The following NXPE3 variants were observed in gnomAD, a reference collection of about 807,000 sequenced individuals.
NXPE3 encodes neurexophilin and PC-esterase domain family member 3, also known as NXPE family member 3.
A neutral mutation model predicts 46.1 loss-of-function variants in NXPE3; 26 were observed. That is an observed-to-expected ratio of 0.56 (90% CI 0.41 to 0.78). The LOEUF (loss-of-function observed/expected upper bound fraction) is 0.78, where lower values mean the gene tolerates loss of function less well. NXPE3 is among the 30% of genes least tolerant of loss of function. The pLI, the probability that NXPE3 is intolerant of heterozygous loss-of-function variation, is 0.00. For synonymous variants in NXPE3, 272 were observed against 257.9 expected, an observed-to-expected ratio of 1.05 and a Z score of -0.52; for missense variants, 620 against 686.0, an observed-to-expected ratio of 0.90 and a Z score of 1.07.
chr3:101,803,708 G>A (rs551719414), intron 5 of NXPE3, among the ~76,000 whole-genome samples: 4 of 152,248 alleles, frequency 2.6e-5, no homozygotes, highest in South Asian at 4.1e-4. Context: ...CAGCCTCAAC[G>A]TCCCGGGTTC....
intron 1 of NXPE3, among the ~76,000 whole-genome samples, chr3:101,780,872 G>A (rs1178758230): frequency 6.6e-6 from 1 of 152,200 alleles, no homozygotes; most frequent in African/African-American, 2.4e-5. Flanking sequence ...TGAGGCTGCG[G>A]GACACGAAGG....
At chr3:101,808,854 T>TATACATATATATATATAC (rs770360739) in intron 6 of NXPE3, among the ~76,000 whole-genome samples, 2 of 100,348 alleles carry the variant, frequency 2.0e-5, no homozygotes, top group South Asian at 3.1e-4. Context: ...TATATATATA[T>TATACATATATATATATAC]ATGAGACATT....
At chr3:101,807,258 A>G (rs1423258146) in intron 6 of NXPE3, 132 bp downstream of exon 6, 3 of 639,146 alleles carry the variant, frequency 4.7e-6, no homozygotes, top group Non-Finnish European at 8.3e-6. Context: ...TATTAAAAGT[A>G]CTGTTTGATT....
In NXPE3 at chr3:101,795,159, C is replaced by G. The variant is rs537815849; in HGVS notation, c.94-6076C>G. 4.6e-5 allele frequency among the ~76,000 whole-genome samples: 7 copies of G among 152,354 alleles called. No homozygotes were observed. The South Asian group carries it at 1.4e-3, about 32-fold the overall frequency. On this transcript the variant is annotated intron_variant, in intron 4 of 7. Coordinates refer to ENST00000273347, the MANE Select transcript of NXPE3 (RefSeq NM_145037.4). ...CCCTTTCCATACTATGCTTCTGACACTCACTATACTCTTATGATTGGAGTA... is the reference window on the plus strand; with the variant it reads ...CCCTTTCCATACTATGCTTCTGACAGTCACTATACTCTTATGATTGGAGTA...
chr3:101,793,132 T>C (rs1271702794), intron 4 of NXPE3, among the ~76,000 whole-genome samples: 1 of 152,246 alleles, frequency 6.6e-6, no homozygotes, highest in Non-Finnish European at 1.5e-5. Context: ...GAAACTTTGC[T>C]GAAGTTGTTT....
chr3:101,817,404 T>TC (rs377658838), intron 7 of NXPE3, among the ~76,000 whole-genome samples: 1 of 152,218 alleles, frequency 6.6e-6, no homozygotes, highest in African/African-American at 2.4e-5. Flanking sequence ...CTCATCCAAC[T>TC]CCAAGTTTAT....
chr3:101,799,425 T>C (rs1315036397), intron 4 of NXPE3, among the ~76,000 whole-genome samples: 1 of 152,104 alleles, frequency 6.6e-6, no homozygotes, highest in Non-Finnish European at 1.5e-5. Context: ...TCTTATTTAT[T>C]TATTTGTTAT....
chr3:101,809,224 T>C (rs1460918917), intron 6 of NXPE3, among the ~76,000 whole-genome samples: 1 of 152,108 alleles, frequency 6.6e-6, no homozygotes. Flanking sequence ...AAAGTAACTA[T>C]GAATTAGTAG....
At chr3:101,795,503 GT>G (rs1940774180) in intron 4 of NXPE3, among the ~76,000 whole-genome samples, 1 of 142,802 alleles carries the variant, frequency 7.0e-6, no homozygotes. Flanking sequence ...GGGCAACAAA[GT>G]GAGACTTATC....
chr3:101,808,854 T>TATACATGTATATATAC (rs770360739), intron 6 of NXPE3, among the ~76,000 whole-genome samples: 1 of 100,348 alleles, frequency 1.0e-5, no homozygotes, highest in Non-Finnish European at 2.1e-5. Flanking sequence ...TATATATATA[T>TATACATGTATATATAC]ATGAGACATT....
At chr3:101,818,928 G>T (rs1576785756) in intron 7 of NXPE3, among the ~76,000 whole-genome samples, 1 of 151,206 alleles carries the variant, frequency 6.6e-6, no homozygotes, top group East Asian at 1.9e-4. Flanking sequence ...ACCATGCCTG[G>T]CTAATTTTTG....
At chr3:101,807,762 A>C (rs909157674) in intron 6 of NXPE3, among the ~76,000 whole-genome samples, 4 of 152,086 alleles carry the variant, frequency 2.6e-5, no homozygotes, top group Admixed American at 2.0e-4. Context: ...AATTAAGATT[A>C]AATAAAATTC....
At chr3:101,789,928 C>T (rs558729959) in intron 4 of NXPE3, among the ~76,000 whole-genome samples, 13 of 152,072 alleles carry the variant, frequency 8.5e-5, no homozygotes, top group Admixed American at 2.0e-4. Context: ...TGGACTCAAG[C>T]GATCCTCCTG....
At chr3:101,810,075 C>T (rs1003146751) in intron 6 of NXPE3, among the ~76,000 whole-genome samples, 2 of 152,192 alleles carry the variant, frequency 1.3e-5, no homozygotes, top group African/African-American at 4.8e-5. Flanking sequence ...GCTACTGCTA[C>T]TTGTGGGCAT....
intron 4 of NXPE3, among the ~76,000 whole-genome samples, chr3:101,799,609 A>G (rs1941027371): frequency 6.6e-6 from 1 of 152,012 alleles, no homozygotes; most frequent in Non-Finnish European, 1.5e-5. Flanking sequence ...TATTTTTAGT[A>G]GAGATGGGGT....
At chr3:101,818,957 G>T (rs1424801284) in intron 7 of NXPE3, among the ~76,000 whole-genome samples, 2 of 151,164 alleles carry the variant, frequency 1.3e-5, no homozygotes, top group African/African-American at 4.9e-5. Context: ...GTAGAGACGG[G>T]TTTCACCGTG....
intron 7 of NXPE3, 99 bp from the exon 8 acceptor site, chr3:101,821,305 T>A (rs905358846): frequency 1.1e-6 from 1 of 914,176 alleles, no homozygotes; most frequent in Admixed American, 2.6e-5. Flanking sequence ...TTGTTGTACT[T>A]AAAAAAAAAT....
chr3:101,818,739 A>G (rs1419857455), intron 7 of NXPE3, among the ~76,000 whole-genome samples: 1 of 29,032 alleles, frequency 3.4e-5, no homozygotes, highest in Non-Finnish European at 7.0e-5. Flanking sequence ...ATATATATAT[A>G]TATATATATA....
At chr3:101,816,704 C>A (rs1202467430) in intron 6 of NXPE3, 91 bp from the exon 7 acceptor site, 2 of 984,890 alleles carry the variant, frequency 2.0e-6, no homozygotes, top group South Asian at 1.6e-5. Flanking sequence ...ATCAGGCTAA[C>A]AAATACATGG....
Sources: gnomAD v4.1 joint callset for allele counts (sites outside exome capture counted in the v4.1 genomes callset) on GRCh38, gnomAD v4.1.1 for gene constraint, MANE v1.5 for transcripts, NCBI Gene and HGNC (gene_info 2026-07-23, HGNC 2026-07-21) for gene names.